LRRC4C: variants seen among roughly 807,000 people sequenced by gnomAD.
The protein encoded by LRRC4C is leucine-rich repeat-containing protein 4C.
Under a neutral mutation model 33.6 loss-of-function variants are expected in LRRC4C, and 5 were observed. That is an observed-to-expected ratio of 0.15 (90% CI 0.08 to 0.31). LRRC4C has a LOEUF of 0.31. Among genes scored for constraint, LRRC4C ranks in the 10% least tolerant of loss-of-function variants. The pLI is 1.00. For missense variants in LRRC4C, 560 were observed against 796.7 expected (o/e 0.70, Z 3.58); for synonymous variants, 329 against 302.0 (o/e 1.09, Z -0.93).
chr11:40,649,445 G>T (rs111711118), intron 2 of LRRC4C, among the ~76,000 whole-genome samples: 5,548 of 152,156 alleles, frequency 0.036, 159 homozygotes, highest in African/African-American at 0.072. Context: ...GCTCTATTCT[G>T]CCCGACCCCG....
intron 3 of LRRC4C, among the ~76,000 whole-genome samples, chr11:40,418,108 C>T (rs1290736773): frequency 6.6e-6 from 1 of 152,130 alleles, no homozygotes; most frequent in Non-Finnish European, 1.5e-5. Context: ...CTTGTTGACA[C>T]AGAAGCAAAT....
intron 4 of LRRC4C, among the ~76,000 whole-genome samples, chr11:40,242,526 T>G (rs547191307): frequency 6.6e-6 from 1 of 152,322 alleles, no homozygotes; most frequent in Admixed American, 6.5e-5. Flanking sequence ...GTTTAGGAGA[T>G]GTAAATGTAA....
In LRRC4C at chr11:41,010,828, T is replaced by C. The variant is rs547045839; in HGVS notation, c.-495-77105A>G. The stretch of plus-strand genomic sequence containing the variant: ...CCTGTGCAGGAATCCAGTGAACATA[T>C]TGCAAATTCAGTAACAGGTTGACTC... On this transcript the variant is annotated intron_variant, in intron 1 of 6. Transcript: ENST00000528697. 2.6e-5 allele frequency among the ~76,000 whole-genome samples: 4 copies of C among 152,266 alleles called. No individual in the cohort carries two copies. The South Asian group carries it at 8.3e-4, about 32-fold the overall frequency.
chr11:41,438,071 A>AC (rs1955497360), intron 1 of LRRC4C, among the ~76,000 whole-genome samples: 8 of 148,330 alleles, frequency 5.4e-5, no homozygotes, highest in African/African-American at 1.5e-4. Context: ...ATAAATAAAT[A>AC]ATAAAAAAAA....
intron 1 of LRRC4C, among the ~76,000 whole-genome samples, chr11:41,413,734 GA>G (rs1276497497): frequency 6.6e-6 from 1 of 152,150 alleles, no homozygotes; most frequent in Non-Finnish European, 1.5e-5. Context: ...AATTGCCCCT[GA>G]AATTTGTGAA....
intron 1 of LRRC4C, among the ~76,000 whole-genome samples, chr11:40,991,908 C>G (rs1352242959): frequency 6.6e-6 from 1 of 152,088 alleles, no homozygotes; most frequent in Non-Finnish European, 1.5e-5. Flanking sequence ...CAGTTCCTAA[C>G]AGGCCACCAA....
chr11:40,367,272 G>A (rs955446029), intron 3 of LRRC4C, among the ~76,000 whole-genome samples: 1 of 151,944 alleles, frequency 6.6e-6, no homozygotes, highest in Admixed American at 6.6e-5. Context: ...GAGCTCCATA[G>A]GCTGCTTCTT....
In LRRC4C at chr11:40,541,498, A is replaced by T. The variant is rs144431031; in HGVS notation, c.-270+106644T>A. Among the ~76,000 whole-genome samples, 41 of 152,270 alleles carry T rather than the reference A, an allele frequency of 2.7e-4. No individual in the cohort carries two copies. In the East Asian group the frequency reaches 7.9e-3, roughly 29 times the overall value. ...GAAGGATGAGCAAGTCCAACTTGAC[A>T]AATTCAGATTTCATGTATCATCCTG... On this transcript the variant is annotated intron_variant, in intron 3 of 6. Transcript: ENST00000528697.
intron 4 of LRRC4C, among the ~76,000 whole-genome samples, chr11:40,262,123 C>A (rs1473685485): frequency 6.6e-6 from 1 of 152,068 alleles, no homozygotes; most frequent in Non-Finnish European, 1.5e-5. Flanking sequence ...AGAACTTAAA[C>A]AAATTTACAA....
intron 5 of LRRC4C, among the ~76,000 whole-genome samples, chr11:40,188,503 T>A (rs1437551652): frequency 1.3e-5 from 2 of 152,078 alleles, no homozygotes; most frequent in Admixed American, 6.6e-5. Flanking sequence ...CTGTATTGAG[T>A]TTGCATCATT....
At chr11:40,967,149 A>G (rs1449524982) in intron 1 of LRRC4C, among the ~76,000 whole-genome samples, 3 of 151,944 alleles carry the variant, frequency 2.0e-5, no homozygotes, top group African/African-American at 7.2e-5. Context: ...TTTTAAAAAG[A>G]GAAAAGGAAA....
intron 1 of LRRC4C, among the ~76,000 whole-genome samples, chr11:41,330,577 T>C (rs1376592386): frequency 6.6e-6 from 1 of 152,064 alleles, no homozygotes; most frequent in Non-Finnish European, 1.5e-5. Context: ...GATTGTTTTT[T>C]CTTCTTCCTT....
At chr11:41,000,059 T>C (rs546708596) in intron 1 of LRRC4C, among the ~76,000 whole-genome samples, 162 of 152,238 alleles carry the variant, frequency 1.1e-3, no homozygotes, top group Non-Finnish European at 2.0e-3. Context: ...GTAAAAAACC[T>C]TGCATGCTAA....
chr11:40,514,651 T>C (rs1444910831), intron 3 of LRRC4C, among the ~76,000 whole-genome samples: 2 of 152,120 alleles, frequency 1.3e-5, no homozygotes, highest in Non-Finnish European at 2.9e-5. Context: ...GGATTTTCCT[T>C]CCATCTATTG....
At chr11:41,090,775 A>G (rs1019325697) in intron 1 of LRRC4C, among the ~76,000 whole-genome samples, 1 of 152,072 alleles carries the variant, frequency 6.6e-6, no homozygotes, top group African/African-American at 2.4e-5. Flanking sequence ...AGGGTTTTAT[A>G]AGGCAGTTAT....
chr11:41,017,470 G>A (rs1012431471), intron 1 of LRRC4C, among the ~76,000 whole-genome samples: 3 of 152,154 alleles, frequency 2.0e-5, no homozygotes, highest in Non-Finnish European at 2.9e-5. Context: ...ACCACGGAAA[G>A]AGGATAGTAT....
intron 2 of LRRC4C, among the ~76,000 whole-genome samples, chr11:40,844,103 A>C (rs1342522021): frequency 3.9e-5 from 6 of 152,142 alleles, no homozygotes; most frequent in Admixed American, 3.3e-4. Flanking sequence ...CCCTTGGAAA[A>C]TAAATATGGG....
At position 40,444,336 on chromosome 11, in the gene LRRC4C, ATTTAT is replaced by A. The variant is rs1312241190; in HGVS notation, c.-269-124620_-269-124616del. The stretch of plus-strand genomic sequence containing the variant: ...CTTAACATTTTTTTTAATTTATTTT[ATTTAT>A]TTTATTTTTTATTTTTCTTTTTTTT... On this transcript the variant is annotated intron_variant, in intron 3 of 6. Coordinates refer to ENST00000528697, the MANE Select transcript of LRRC4C (RefSeq NM_001258419.2). 7.4e-5 allele frequency among the ~76,000 whole-genome samples: 11 copies of A among 149,374 alleles called. No individual in the cohort carries two copies. In the East Asian group the frequency reaches 7.8e-4, roughly 11 times the overall value.
chr11:40,883,071 T>C (rs1199872748), intron 2 of LRRC4C, among the ~76,000 whole-genome samples: 6 of 152,086 alleles, frequency 3.9e-5, no homozygotes, highest in Admixed American at 3.9e-4. Flanking sequence ...TCCGTCTCAG[T>C]GTACATATCA....
Sources: gnomAD v4.1 joint callset for allele counts (sites outside exome capture counted in the v4.1 genomes callset) on GRCh38, gnomAD v4.1.1 for gene constraint, MANE v1.5 for transcripts, NCBI Gene and HGNC (gene_info 2026-07-23, HGNC 2026-07-21) for gene names.